CD8B: variants seen among roughly 807,000 people sequenced by gnomAD.
CD8B encodes the protein CD8 subunit beta, also known as T-cell surface glycoprotein CD8 beta chain.
In CD8B, 6 loss-of-function variants were observed where a neutral mutation model predicts 24.2. The ratio of observed to expected loss-of-function variants is 0.25; its 90% confidence interval spans 0.14 to 0.49. CD8B has a LOEUF of 0.49. CD8B is among the 20% of genes least tolerant of loss of function. CD8B has a pLI of 0.98. For synonymous variants in CD8B, 84 were observed against 108.3 expected, an observed-to-expected ratio of 0.78 and a Z score of 1.39; for missense variants, 196 against 271.3, an observed-to-expected ratio of 0.72 and a Z score of 1.95.
At chr2:86,860,112 A>G (rs543048985) in intron 1 of CD8B, among the ~76,000 whole-genome samples, 207 of 152,264 alleles carry the variant, frequency 1.4e-3, no homozygotes, top group Middle Eastern at 6.8e-3. Flanking sequence ...TCTACTAAGA[A>G]TACAAAAATT....
chr2:86,842,265 C>G lies in CD8B; in HGVS notation c.*42G>C, dbSNP rs200113349. On this transcript the variant is annotated 3_prime_UTR_variant, in exon 6 of 6. Coordinates refer to ENST00000390655, the MANE Select transcript of CD8B (RefSeq NM_004931.5). ...TTTCCACATCGTGCTCGTTACTGAC[C>G]GATGTCTTTTTGTAGCAGGACACCA... The G allele has an allele frequency of 5.7e-6, 9 of 1,572,372 alleles. No homozygotes were observed. In the African/African-American group the frequency reaches 8.2e-5, roughly 14 times the overall value.
rs1288449111 is a variant in CD8B at position 86,858,081 on chromosome 2, C to T, written c.379G>A (p.Gly127Arg). The change falls in exon 2 of 6, where the codon GGG becomes AGG. Residue 127 changes from glycine (G) to arginine (R), a missense_variant. By Grantham distance (125) the Gly-to-Arg change is moderately radical. Coordinates refer to ENST00000390655, the MANE Select transcript of CD8B (RefSeq NM_004931.5). ...MIVGSPELTF[G>R]KGTQLSVVDF... Reference sequence around the variant, plus strand: ...CCCACACTCAGCTGAGTTCCCTTCCCGAAGGTCAGCTCGGGGCTCCCGACG... The same window carrying T: ...CCCACACTCAGCTGAGTTCCCTTCCTGAAGGTCAGCTCGGGGCTCCCGACG... 14 of 1,613,786 alleles carry T rather than the reference C, an allele frequency of 8.7e-6. No homozygotes were observed. Among genetic ancestry groups the T allele is most frequent in the African/African-American group, 2.7e-5 (2 of 74,922 alleles).
At chr2:86,827,746 C>T (rs1674750181) in intron 5 of CD8B, among the ~76,000 whole-genome samples, 3 of 152,106 alleles carry the variant, frequency 2.0e-5, no homozygotes, top group Admixed American at 6.5e-5. Flanking sequence ...TAGAGATCTA[C>T]AGCTCTGGAC....
At chr2:86,831,070 T>A (rs1674888668) in intron 5 of CD8B, among the ~76,000 whole-genome samples, 1 of 152,146 alleles carries the variant, frequency 6.6e-6, no homozygotes, top group African/African-American at 2.4e-5. Flanking sequence ...AATCTATTAT[T>A]TTTGTTTGTT....
intron 5 of CD8B, chr2:86,822,258 G>C: frequency 1.1e-6 from 1 of 874,944 alleles, no homozygotes; most frequent in South Asian, 1.6e-5. Flanking sequence ...GATGATATCT[G>C]TTTCAGGTAA....
chr2:86,837,408 G>A (rs111975432), downstream of CD8B, among the ~76,000 whole-genome samples: 5 of 151,898 alleles, frequency 3.3e-5, no homozygotes, highest in South Asian at 2.1e-4. Flanking sequence ...TGGGGAATAT[G>A]GTTTCCTTCT....
chr2:86,822,132 A>T (rs1016818978), intron 5 of CD8B, among the ~76,000 whole-genome samples: 6 of 151,832 alleles, frequency 4.0e-5, no homozygotes, highest in African/African-American at 1.5e-4. Flanking sequence ...TATAGCATCA[A>T]CTCTCCTTTA....
At chr2:86,832,659 C>T (rs1674948960) in intron 5 of CD8B, among the ~76,000 whole-genome samples, 1 of 151,554 alleles carries the variant, frequency 6.6e-6, no homozygotes, top group South Asian at 2.1e-4. Flanking sequence ...TGTTGGTTTG[C>T]CCCCCAATTT....
intron 5 of CD8B, among the ~76,000 whole-genome samples, chr2:86,827,923 T>C (rs1674756097): frequency 6.6e-6 from 1 of 152,164 alleles, no homozygotes; most frequent in African/African-American, 2.4e-5. Flanking sequence ...GGACCTGAAG[T>C]TGAACTGCCT....
chr2:86,838,496 T>G lies in CD8B; in HGVS notation c.*3811A>C, dbSNP rs1408356520. Among the ~76,000 whole-genome samples the G allele has an allele frequency of 6.6e-6, 1 of 152,102 alleles. No individual in the cohort carries two copies. The highest frequency in any genetic ancestry group is 1.5e-5 in the Non-Finnish European group (1 of 68,028). On this transcript the variant is annotated 3_prime_UTR_variant, in exon 6 of 6. Transcript: ENST00000390655. ...TGGGAAGAAAAAAAAACAAGAAACT[T>G]TTTAGAAAAAATTTATTTTTGAGAC... is the stretch of plus-strand genomic sequence containing the variant.
In CD8B at chr2:86,843,977, C is replaced by T. The variant is rs374180065; in HGVS notation, c.620+945G>A. Among the ~76,000 whole-genome samples the T allele has an allele frequency of 3.9e-5, 6 of 152,326 alleles. No homozygotes were observed. The East Asian group carries it at 7.7e-4, about 20-fold the overall frequency. On this transcript the variant is annotated intron_variant, in intron 5 of 5. Transcript: ENST00000390655. ...AGTTGTGTACTTTTGCTCCCCCAAA[C>T]ATTTCTGTATAGAGGGGGTTGTTCT... is the stretch of plus-strand genomic sequence containing the variant.
intron 5 of CD8B, among the ~76,000 whole-genome samples, chr2:86,827,394 A>C (rs1307047713): frequency 1.3e-5 from 2 of 151,924 alleles, no homozygotes; most frequent in East Asian, 3.9e-4. Context: ...TGGTAGACTG[A>C]GGTGGGTGGA....
In CD8B at chr2:86,820,823, A is replaced by C. The variant is rs116449817; in HGVS notation, c.621-5105T>G. On this transcript the variant is annotated intron_variant, in intron 5 of 5. Coordinates refer to the CD8B transcript ENST00000331469. ...ATATAATGTAATAACAGTGATCATT[A>C]AGATAACAATGCTAGCAGCTACCAT... Among the ~76,000 whole-genome samples, 652 of 152,370 alleles carry C rather than the reference A, an allele frequency of 4.3e-3. 6 individuals are homozygous for C. Among genetic ancestry groups the C allele is most frequent in the African/African-American group, 0.014 (602 of 41,588 alleles).
chr2:86,856,178 T>C (rs114482189), intron 2 of CD8B, among the ~76,000 whole-genome samples: 1,563 of 152,254 alleles, frequency 0.01, 32 homozygotes, highest in African/African-American at 0.036. Flanking sequence ...GAGAGAGGCA[T>C]TGACATTCCT....
At chr2:86,846,605 C>T in intron 4 of CD8B, 79 bp downstream of exon 4, 1 of 679,262 alleles carries the variant, frequency 1.5e-6, no homozygotes, top group South Asian at 1.9e-5. Context: ...CTGCTCTGCT[C>T]CCCTAGAGAA....
intron 2 of CD8B, among the ~76,000 whole-genome samples, chr2:86,856,783 C>T (rs1297308612): frequency 1.3e-5 from 2 of 149,244 alleles, no homozygotes; most frequent in Non-Finnish European, 3.0e-5. Context: ...TGAAATGTGG[C>T]CAGTCTGAAT....
At chr2:86,860,037 A>G (rs1676488756) in intron 1 of CD8B, among the ~76,000 whole-genome samples, 2 of 152,024 alleles carry the variant, frequency 1.3e-5, no homozygotes, top group Admixed American at 1.3e-4. Flanking sequence ...TGGGAGATCG[A>G]GGCAGGAGGA....
intron 5 of CD8B, among the ~76,000 whole-genome samples, chr2:86,827,044 C>T (rs946928624): frequency 1.3e-5 from 2 of 152,042 alleles, no homozygotes; most frequent in African/African-American, 4.8e-5. Flanking sequence ...TGGTCTCCAA[C>T]TCCTGACCTC....
At chr2:86,818,868 A>G (rs1476814765) in intron 5 of CD8B, among the ~76,000 whole-genome samples, 1 of 152,244 alleles carries the variant, frequency 6.6e-6, no homozygotes, top group Non-Finnish European at 1.5e-5. Flanking sequence ...TCTTGTGTCA[A>G]ATAATGAGCC....
Sources: gnomAD v4.1 joint callset for allele counts (sites outside exome capture counted in the v4.1 genomes callset) on GRCh38, gnomAD v4.1.1 for gene constraint, MANE v1.5 for transcripts, NCBI Gene and HGNC (gene_info 2026-07-23, HGNC 2026-07-21) for gene names.